MROH9: variants seen among roughly 807,000 people sequenced by gnomAD.
MROH9 encodes the protein maestro heat-like repeat-containing protein family member 9.
In MROH9, 92 loss-of-function variants were observed where a neutral mutation model predicts 98.2. The observed-to-expected ratio is 0.94, with a 90% CI of 0.79 to 1.11. The LOEUF is 1.11. Ranked by LOEUF, MROH9 falls within the 50% of genes most tolerant of loss-of-function variation. The probability of loss-of-function intolerance (pLI) is 0.00; values close to 1 mark genes in which losing one functional copy is unlikely to be tolerated. For synonymous variants in MROH9, 397 were observed against 368.9 expected, an observed-to-expected ratio of 1.08 and a Z score of -0.87; for missense variants, 1,057 against 1,014.8, an observed-to-expected ratio of 1.04 and a Z score of -0.57.
intron 17 of MROH9, among the ~76,000 whole-genome samples, chr1:171,020,848 A>G (rs1652494375): frequency 6.6e-6 from 1 of 152,176 alleles, no homozygotes; most frequent in Admixed American, 6.5e-5. Flanking sequence ...ACATGATTCT[A>G]TATTTAGAAA....
intron 3 of MROH9, among the ~76,000 whole-genome samples, chr1:170,956,484 ATTTAT>A (rs1649761139): frequency 6.8e-6 from 1 of 147,824 alleles, no homozygotes; most frequent in South Asian, 2.1e-4. Context: ...GTCATCTATG[ATTTAT>A]TTCAGCAGTG....
At chr1:170,946,308 T>C (rs1339663474) in intron 2 of MROH9, among the ~76,000 whole-genome samples, 3 of 151,780 alleles carry the variant, frequency 2.0e-5, no homozygotes, top group South Asian at 4.2e-4. Flanking sequence ...TAAATCCAAA[T>C]AGAGGTACAT....
chr1:171,045,518 T>G (rs1653448593), intron 20 of MROH9, among the ~76,000 whole-genome samples: 1 of 152,190 alleles, frequency 6.6e-6, no homozygotes, highest in Non-Finnish European at 1.5e-5. Flanking sequence ...TCAAGAAATT[T>G]TTTAATTTCT....
chr1:171,010,798 T>C (rs1652124814), intron 15 of MROH9, among the ~76,000 whole-genome samples: 1 of 152,174 alleles, frequency 6.6e-6, no homozygotes, highest in Non-Finnish European at 1.5e-5. Flanking sequence ...TTGTTTTGGT[T>C]TTTTTTGTAA....
chr1:171,004,690 A>G (rs1313129594), intron 15 of MROH9, among the ~76,000 whole-genome samples: 2 of 152,242 alleles, frequency 1.3e-5, no homozygotes, highest in African/African-American at 4.8e-5. Flanking sequence ...CTTGCAATCA[A>G]TCTGGAGCTA....
intron 20 of MROH9, among the ~76,000 whole-genome samples, chr1:171,041,506 A>G (rs1052369415): frequency 1.3e-4 from 20 of 150,842 alleles, no homozygotes; most frequent in African/African-American, 4.8e-4. Flanking sequence ...TGACTTTGCT[A>G]TTGTAAATAG....
At chr1:170,953,877 G>A (rs201771839) in intron 3 of MROH9, among the ~76,000 whole-genome samples, 102 of 48,946 alleles carry the variant, frequency 2.1e-3, no homozygotes, top group African/African-American at 6.1e-3. Context: ...GAGAGAGAGA[G>A]AGAAAGAAAG....
intron 15 of MROH9, among the ~76,000 whole-genome samples, chr1:171,003,894 C>T (rs1304613252): frequency 6.6e-6 from 1 of 152,032 alleles, no homozygotes; most frequent in Non-Finnish European, 1.5e-5. Flanking sequence ...TGAGCTCAGA[C>T]TCCCCTTGGG....
At chr1:170,963,147 C>A (rs910384263) in intron 6 of MROH9, among the ~76,000 whole-genome samples, 3 of 147,792 alleles carry the variant, frequency 2.0e-5, no homozygotes, top group Non-Finnish European at 3.0e-5. Flanking sequence ...AAAAAAAAAA[C>A]TCCATTACAA....
In MROH9 at chr1:170,996,616, T is replaced by C. The variant is rs1651581839; in HGVS notation, c.1447T>C (p.Tyr483His). 2.5e-6 allele frequency: 4 copies of C among 1,613,462 alleles called. No homozygotes were observed. Among genetic ancestry groups the C allele is most frequent in the Admixed American group, 3.3e-5 (2 of 59,966 alleles). ...GGACCAGTTATCTGAAGATCTGTGT[T>C]ACTATCATGGAGTCTGCTTTATTGC... ...FWDQLSEDLC[Y>H]YHGVCFIAKT... The change falls in exon 14 of 22, where the codon TAC (tyrosine) becomes CAC (histidine). Residue 483 changes from tyrosine (Y) to histidine (H), a missense_variant. Physicochemically the swap from Tyr to His is moderately conservative, Grantham distance 83 (BLOSUM62 2). Transcript: ENST00000367759.
At chr1:170,987,971 A>T (rs1651213433) in intron 10 of MROH9, among the ~76,000 whole-genome samples, 1 of 152,190 alleles carries the variant, frequency 6.6e-6, no homozygotes, top group Non-Finnish European at 1.5e-5. Context: ...GCTTCACATC[A>T]TCGGTCCCCT....
At chr1:171,046,240 T>C (rs562613554) in intron 20 of MROH9, among the ~76,000 whole-genome samples, 1 of 152,330 alleles carries the variant, frequency 6.6e-6, no homozygotes, top group African/African-American at 2.4e-5. Flanking sequence ...CCTTACTTTT[T>C]CATCCATTCA....
chr1:170,946,402 A>G (rs1649333831), intron 2 of MROH9, among the ~76,000 whole-genome samples: 1 of 152,062 alleles, frequency 6.6e-6, no homozygotes, highest in Non-Finnish European at 1.5e-5. Context: ...AGATCAGAGC[A>G]AACTGAGGAG....
chr1:170,998,045 A>C, intron 14 of MROH9, 109 bp from the exon 15 acceptor site: 1 of 807,026 alleles, frequency 1.2e-6, no homozygotes, highest in South Asian at 1.9e-5. Context: ...ATATTAAAGA[A>C]TATCTTTCAT....
At chr1:171,015,737 G>A (rs897682781) in intron 16 of MROH9, among the ~76,000 whole-genome samples, 9 of 152,070 alleles carry the variant, frequency 5.9e-5, no homozygotes, top group Non-Finnish European at 1.2e-4. Context: ...CTGAAAATAA[G>A]GCCAATTCCC....
chr1:171,064,007 C>G (rs534925165), intron 21 of MROH9, 92 bp from the exon 22 acceptor site: 1 of 1,280,032 alleles, frequency 7.8e-7, no homozygotes, highest in South Asian at 1.6e-5. Flanking sequence ...GAAGGGGGCA[C>G]TCTGTGAAAG....
At chr1:171,043,789 T>C (rs1186086448) in intron 20 of MROH9, among the ~76,000 whole-genome samples, 1 of 152,164 alleles carries the variant, frequency 6.6e-6, no homozygotes, top group Non-Finnish European at 1.5e-5. Context: ...ACTTGGCATA[T>C]AGAAATGCTA....
intron 15 of MROH9, among the ~76,000 whole-genome samples, chr1:170,999,506 C>G (rs1045919734): frequency 1.3e-5 from 2 of 151,016 alleles, no homozygotes; most frequent in Non-Finnish European, 2.9e-5. Flanking sequence ...ATTCCTTTTT[C>G]TAGCTGAGTA....
At chr1:171,062,058 G>C (rs766290151) in intron 20 of MROH9, 74 bp from the exon 21 acceptor site, 6 of 933,380 alleles carry the variant, frequency 6.4e-6, no homozygotes, top group Non-Finnish European at 1.0e-5. Context: ...AGCAAAGAAG[G>C]TAGCCAGATA....
Sources: gnomAD v4.1 joint callset for allele counts (sites outside exome capture counted in the v4.1 genomes callset) on GRCh38, gnomAD v4.1.1 for gene constraint, MANE v1.5 for transcripts, NCBI Gene and HGNC (gene_info 2026-07-23, HGNC 2026-07-21) for gene names.